Variants in GABRB1 observed in about 807,000 individuals in gnomAD.
The protein encoded by GABRB1 is gamma-aminobutyric acid receptor subunit beta-1.
Under a neutral mutation model 51.6 loss-of-function variants are expected in GABRB1, and 17 were observed. The ratio of observed to expected loss-of-function variants is 0.33; its 90% CI spans 0.23 to 0.49. The LOEUF is 0.49. Among genes scored for constraint, GABRB1 ranks in the 20% least tolerant of loss-of-function variants. The pLI is 0.99. For synonymous variants in GABRB1, 247 were observed against 218.9 expected (o/e 1.13, Z -1.14); for missense variants, 410 against 600.6 (o/e 0.68, Z 3.32).
At chr4:47,007,497 T>C (rs899286614) in intron 1 of GABRB1, among the ~76,000 whole-genome samples, 3 of 152,204 alleles carry the variant, frequency 2.0e-5, no homozygotes, top group Non-Finnish European at 4.4e-5. Context: ...TTAACAGCAC[T>C]GTTAACAAAC....
intron 3 of GABRB1, among the ~76,000 whole-genome samples, chr4:47,098,767 T>C (rs1364650882): frequency 6.6e-6 from 1 of 152,100 alleles, no homozygotes. Context: ...ACTGTGATAT[T>C]GTACCATATT....
chr4:47,193,943 A>T (rs1719545772), intron 4 of GABRB1, among the ~76,000 whole-genome samples: 1 of 152,192 alleles, frequency 6.6e-6, no homozygotes. Flanking sequence ...TTACCTCTTA[A>T]GTTCCATGCA....
intron 4 of GABRB1, among the ~76,000 whole-genome samples, chr4:47,259,234 A>G (rs1722332250): frequency 6.6e-6 from 1 of 152,102 alleles, no homozygotes; most frequent in East Asian, 1.9e-4. Context: ...GTTTTCCCAC[A>G]CTAGTGAGAA....
intron 4 of GABRB1, among the ~76,000 whole-genome samples, chr4:47,208,387 G>A (rs1720223115): frequency 6.6e-6 from 1 of 151,904 alleles, no homozygotes; most frequent in Admixed American, 6.6e-5. Flanking sequence ...TGTTTGGGAT[G>A]GTTAAAAACT....
Position 47,032,454 on chromosome 4 carries a change from C to T in GABRB1, c.210C>T (p.Ala70=), listed in dbSNP as rs771689402. 7 of 1,608,378 alleles carry T rather than the reference C, an allele frequency of 4.4e-6. No individual in the cohort carries two copies. The South Asian group carries it at 6.6e-5, about 15-fold the overall frequency. The change falls in exon 3 of 9, where the codon GCC becomes GCT. Residue 70 remains alanine, a synonymous_variant. Coordinates refer to ENST00000295454, the MANE Select transcript of GABRB1 (RefSeq NM_000812.4). ...PVDVGMRIDV[A]SIDMVSEVNM... ...ACGTTGGGATGCGGATCGATGTCGC[C>T]AGCATAGACATGGTCTCCGAAGTGA...
chr4:47,088,057 C>G (rs979969056), intron 3 of GABRB1, among the ~76,000 whole-genome samples: 2 of 152,086 alleles, frequency 1.3e-5, no homozygotes, highest in African/African-American at 4.8e-5. Flanking sequence ...TTTATTATTG[C>G]TTTTAGAGGA....
At chr4:47,164,847 A>G (rs146799679) in intron 4 of GABRB1, among the ~76,000 whole-genome samples, 87 of 152,220 alleles carry the variant, frequency 5.7e-4, no homozygotes, top group African/African-American at 2.0e-3. Flanking sequence ...TGGCACTTCT[A>G]GAGGAACCAG....
chr4:47,395,482 G>C (rs572827202), intron 5 of GABRB1, among the ~76,000 whole-genome samples: 1 of 152,090 alleles, frequency 6.6e-6, no homozygotes, highest in African/African-American at 2.4e-5. Flanking sequence ...CCTCCCACAC[G>C]TGGTGATTAC....
chr4:47,318,990 A>G (rs2109961460), intron 4 of GABRB1, among the ~76,000 whole-genome samples: 1 of 152,232 alleles, frequency 6.6e-6, no homozygotes, highest in African/African-American at 2.4e-5. Context: ...ACCTCTCAAG[A>G]TAGTAGCCTA....
chr4:47,270,110 T>C (rs1370134950), intron 4 of GABRB1, among the ~76,000 whole-genome samples: 1 of 152,194 alleles, frequency 6.6e-6, no homozygotes, highest in Admixed American at 6.6e-5. Flanking sequence ...ACTATTTCTA[T>C]CTTCCAAAAC....
At chr4:47,025,117 A>G (rs958348963) in intron 1 of GABRB1, among the ~76,000 whole-genome samples, 2 of 150,634 alleles carry the variant, frequency 1.3e-5, no homozygotes, top group Non-Finnish European at 3.0e-5. Flanking sequence ...ATATATATGT[A>G]TCTCACAATT....
chr4:47,162,044 A>G (rs150454776), intron 4 of GABRB1, among the ~76,000 whole-genome samples: 177 of 152,202 alleles, frequency 1.2e-3, no homozygotes, highest in African/African-American at 4.1e-3. Context: ...GTAAAATAAC[A>G]TCAATTGTTC....
At chr4:47,381,472 G>T (rs985305551) in intron 5 of GABRB1, among the ~76,000 whole-genome samples, 14 of 152,172 alleles carry the variant, frequency 9.2e-5, no homozygotes, top group African/African-American at 3.4e-4. Flanking sequence ...CTCTCCCCGT[G>T]CGTGTTCATA....
chr4:47,173,899 A>T (rs6815891), intron 4 of GABRB1, among the ~76,000 whole-genome samples: 21,047 of 152,030 alleles, frequency 0.14, 1,907 homozygotes, highest in East Asian at 0.32. Context: ...TTCTCAATTA[A>T]ATCTACCCTT....
intron 1 of GABRB1, among the ~76,000 whole-genome samples, chr4:47,007,392 C>G (rs754174057): frequency 1.3e-5 from 2 of 152,104 alleles, no homozygotes; most frequent in African/African-American, 2.4e-5. Flanking sequence ...ATTGACAAAA[C>G]TAAGATCTCT....
chr4:47,243,721 G>A (rs1187617298), intron 4 of GABRB1, among the ~76,000 whole-genome samples: 1 of 152,012 alleles, frequency 6.6e-6, no homozygotes, highest in Non-Finnish European at 1.5e-5. Flanking sequence ...TGTGATTTTT[G>A]CACATTGATT....
chr4:47,042,491 T>C (rs1188647414), intron 3 of GABRB1, among the ~76,000 whole-genome samples: 3 of 148,086 alleles, frequency 2.0e-5, no homozygotes, highest in East Asian at 3.9e-4. Flanking sequence ...TATATATATA[T>C]GTATATATAG....
At chr4:47,044,657 T>C (rs1415108635) in intron 3 of GABRB1, among the ~76,000 whole-genome samples, 1 of 152,108 alleles carries the variant, frequency 6.6e-6, no homozygotes, top group East Asian at 1.9e-4. Context: ...ATTTCATATT[T>C]ATCTCTCAGG....
chr4:47,376,009 C>T, intron 5 of GABRB1, among the ~76,000 whole-genome samples: 1 of 152,098 alleles, frequency 6.6e-6, no homozygotes, highest in East Asian at 1.9e-4. Context: ...TTGAAGATAA[C>T]AGGTAGATTG....
Sources: allele counts gnomAD v4.1 joint callset (sites outside exome capture counted in the v4.1 genomes callset), GRCh38; gene constraint gnomAD v4.1.1; transcripts MANE v1.5; gene names NCBI Gene and HGNC (gene_info 2026-07-23, HGNC 2026-07-21).